FBXW7: variants seen among roughly 807,000 people sequenced by gnomAD.
FBXW7 encodes the protein F-box and WD repeat domain containing 7, also known as F-box/WD repeat-containing protein 7.
A neutral mutation model predicts 86.3 loss-of-function variants in FBXW7; 11 were observed. The observed-to-expected ratio is 0.13, with a 90% CI of 0.08 to 0.21. The LOEUF (loss-of-function observed/expected upper bound fraction) is 0.21. Ranked by LOEUF, FBXW7 falls within the 10% of genes least tolerant of loss-of-function variation. The pLI is 1.00. For synonymous variants in FBXW7, 313 were observed against 297.9 expected, an observed-to-expected ratio of 1.05 and a Z score of -0.52; for missense variants, 488 against 847.4, an observed-to-expected ratio of 0.58 and a Z score of 5.27.
At chr4:152,325,848 C>A in intron 12 of FBXW7, 158 bp downstream of exon 12, 1 of 553,800 alleles carries the variant, frequency 1.8e-6, no homozygotes, top group Non-Finnish European at 3.2e-6. Context: ...GAAATTTACA[C>A]TTTCTTCATG....
intron 2 of FBXW7, among the ~76,000 whole-genome samples, chr4:152,482,147 T>C (rs1481176622): frequency 6.6e-6 from 1 of 152,202 alleles, no homozygotes; most frequent in Non-Finnish European, 1.5e-5. Flanking sequence ...TCACCCTGAC[T>C]GGCGAGCAGT....
chr4:152,505,042 C>G (rs1020417935), intron 2 of FBXW7, among the ~76,000 whole-genome samples: 36 of 152,130 alleles, frequency 2.4e-4, no homozygotes, highest in African/African-American at 8.4e-4. Flanking sequence ...TGCTTTTACA[C>G]AAATCTCCAT....
intron 4 of FBXW7, among the ~76,000 whole-genome samples, chr4:152,407,049 CAA>C (rs538612755): frequency 9.5e-4 from 144 of 152,246 alleles, no homozygotes; most frequent in African/African-American, 3.3e-3. Context: ...TTAATCCTTA[CAA>C]AAACCTTGAG....
At chr4:152,499,386 T>C (rs1432769569) in intron 2 of FBXW7, among the ~76,000 whole-genome samples, 1 of 152,212 alleles carries the variant, frequency 6.6e-6, no homozygotes. Context: ...GTTCTGACTC[T>C]ATAAAACATG....
At chr4:152,324,524 G>C (rs1728833676) in intron 12 of FBXW7, 130 bp from the exon 13 acceptor site, 1 of 696,968 alleles carries the variant, frequency 1.4e-6, no homozygotes, top group Non-Finnish European at 2.4e-6. Flanking sequence ...GAGGTACTAA[G>C]ATAAAGTGGC....
intron 4 of FBXW7, among the ~76,000 whole-genome samples, chr4:152,370,318 A>C (rs906880971): frequency 1.3e-5 from 2 of 152,010 alleles, no homozygotes; most frequent in African/African-American, 4.8e-5. Context: ...AAATTTTCTC[A>C]AATCCTCAAA....
chr4:152,328,086 G>T, intron 11 of FBXW7, 122 bp downstream of exon 11: 1 of 770,292 alleles, frequency 1.3e-6, no homozygotes, highest in Non-Finnish European at 2.0e-6. Flanking sequence ...AACATCTGAA[G>T]TGTAATAATT....
intron 2 of FBXW7, among the ~76,000 whole-genome samples, chr4:152,525,158 A>C (rs960331698): frequency 6.6e-6 from 1 of 152,178 alleles, no homozygotes; most frequent in Non-Finnish European, 1.5e-5. Flanking sequence ...AAAATGCTGA[A>C]ATTTTTTAAA....
In FBXW7 at chr4:152,487,286, G is replaced by A. The variant is rs370753326; in HGVS notation, c.-120+47655C>T. On this transcript the variant is annotated intron_variant, in intron 2 of 13. Coordinates refer to ENST00000281708, the MANE Select transcript of FBXW7 (RefSeq NM_001349798.2). ...CACAGATTAATGATTAATTATCAAGGGGAAAAGGATACTTTTACAATAGAG... is the reference window on the plus strand; with the variant it reads ...CACAGATTAATGATTAATTATCAAGAGGAAAAGGATACTTTTACAATAGAG... Among the ~76,000 whole-genome samples the A allele has an allele frequency of 5.9e-4, 90 of 152,086 alleles. 1 individual carries two copies. In the South Asian group the frequency reaches 0.015, roughly 25 times the overall value.
chr4:152,341,933 T>C (rs1227400967), intron 6 of FBXW7, among the ~76,000 whole-genome samples: 2 of 152,206 alleles, frequency 1.3e-5, no homozygotes, highest in Non-Finnish European at 2.9e-5. Context: ...ATACTGTCGT[T>C]GTAATTAGGT....
At chr4:152,421,003 C>A (rs762618623) in intron 2 of FBXW7, among the ~76,000 whole-genome samples, 1 of 152,166 alleles carries the variant, frequency 6.6e-6, no homozygotes, top group Non-Finnish European at 1.5e-5. Flanking sequence ...TCTTAGATGG[C>A]ATCTTCCAAT....
chr4:152,424,203 G>A (rs773625564), intron 2 of FBXW7, among the ~76,000 whole-genome samples: 25 of 151,996 alleles, frequency 1.6e-4, no homozygotes, highest in Non-Finnish European at 3.2e-4. Context: ...ATTGGGATTC[G>A]GCAGTAGGGC....
intron 2 of FBXW7, among the ~76,000 whole-genome samples, chr4:152,452,909 G>A (rs1024335932): frequency 6.6e-6 from 1 of 152,170 alleles, no homozygotes; most frequent in South Asian, 2.1e-4. Flanking sequence ...CTGGCCAGGC[G>A]CAGTGGCTCA....
At chr4:152,386,813 T>C (rs1735563185) in intron 4 of FBXW7, among the ~76,000 whole-genome samples, 1 of 152,144 alleles carries the variant, frequency 6.6e-6, no homozygotes, top group African/African-American at 2.4e-5. Context: ...TTCTTTCTTC[T>C]AAAAATTTGC....
intron 2 of FBXW7, among the ~76,000 whole-genome samples, chr4:152,507,051 T>C (rs1747493398): frequency 6.6e-6 from 1 of 152,212 alleles, no homozygotes; most frequent in African/African-American, 2.4e-5. Flanking sequence ...GTTTCCCTTT[T>C]CCAACCATCT....
intron 4 of FBXW7, among the ~76,000 whole-genome samples, chr4:152,351,004 T>C (rs1423057876): frequency 6.6e-6 from 1 of 151,988 alleles, no homozygotes; most frequent in Non-Finnish European, 1.5e-5. Flanking sequence ...AACTAGAAAA[T>C]AAAATCTGGT....
chr4:152,348,092 G>A (rs368194405), intron 5 of FBXW7, among the ~76,000 whole-genome samples: 18 of 151,934 alleles, frequency 1.2e-4, no homozygotes, highest in East Asian at 1.2e-3. Context: ...AAATTGCATC[G>A]TAATAGTTAA....
rs1407135034 is a variant in FBXW7, at chr4:152,524,759, G to A, written c.-120+10182C>T. On this transcript the variant is annotated intron_variant, in intron 2 of 13. Transcript: ENST00000281708. ...TCCCGCTCATTTATTTTAAAAAAAA[G>A]GAAATTTTGTTTCCTGTCTAAATGT... 2.0e-5 allele frequency among the ~76,000 whole-genome samples: 3 copies of A among 152,188 alleles called. No individual in the cohort carries two copies. The East Asian group carries it at 5.8e-4, about 29-fold the overall frequency.
chr4:152,419,341 A>T (rs1041051913), intron 2 of FBXW7, among the ~76,000 whole-genome samples: 2 of 152,158 alleles, frequency 1.3e-5, no homozygotes, highest in Non-Finnish European at 2.9e-5. Flanking sequence ...AGTGAAGCTT[A>T]ATTACCACGG....
Sources: gnomAD v4.1 joint callset for allele counts (sites outside exome capture counted in the v4.1 genomes callset) on GRCh38, gnomAD v4.1.1 for gene constraint, MANE v1.5 for transcripts, NCBI Gene and HGNC (gene_info 2026-07-23, HGNC 2026-07-21) for gene names.